TMEM138: variants seen among roughly 807,000 people sequenced by gnomAD.
TMEM138 encodes the protein transmembrane protein 138.
TMEM138 carries 9 observed loss-of-function variants against 18.1 expected under a neutral mutation model. The observed-to-expected ratio is 0.50, with a 90% CI of 0.30 to 0.87. The LOEUF (loss-of-function observed/expected upper bound fraction) is 0.87. Among genes scored for constraint, TMEM138 ranks in the 40% least tolerant of loss-of-function variants. TMEM138 has a pLI of 0.06. For missense variants in TMEM138, 189 were observed against 190.6 expected (o/e 0.99, Z 0.05); for synonymous variants, 79 against 74.8 (o/e 1.06, Z -0.29).
chr11:61,370,118 G>A (rs1858298827), downstream of TMEM138, among the ~76,000 whole-genome samples: 1 of 152,218 alleles, frequency 6.6e-6, no homozygotes, highest in African/African-American at 2.4e-5. Context: ...AAAGCCTGCA[G>A]GGATTTTTCT....
chr11:61,367,473 T>C (rs1858193762), intron 3 of TMEM138: 1 of 154,066 alleles, frequency 6.5e-6, no homozygotes, highest in Non-Finnish European at 1.4e-5. Context: ...CACCAGAGTC[T>C]CCGGGTGCTT....
At position 61,364,652 on chromosome 11, in the gene TMEM138, G is replaced by A. The variant is rs1858072796; in HGVS notation, c.128+134G>A. ...ACCCATAATCCCAGGACTTTGGGAA[G>A]CCAAGGCAGGAGGATCTTTTGAGGC... On this transcript the variant is annotated intron_variant, in intron 2 of 4. Transcript: ENST00000278826. 2.4e-6 allele frequency: 3 copies of A among 1,236,802 alleles called. No individual in the cohort carries two copies. The African/African-American group carries it at 4.5e-5, about 19-fold the overall frequency. The allele number at this position is 1,236,802 out of a possible 1,614,324, so 76.6% of individuals were successfully genotyped here. A position where few individuals can be genotyped will look rare whatever the true frequency, so the allele number is the denominator to read the frequency against.
chr11:61,375,262 A>G (rs1267242227), downstream of TMEM138, among the ~76,000 whole-genome samples: 1 of 151,360 alleles, frequency 6.6e-6, no homozygotes, highest in Non-Finnish European at 1.5e-5. Context: ...CAAAATTTGC[A>G]GCATATTTGT....
chr11:61,363,595 C>A (rs1458022979), intron 1 of TMEM138: 2 of 152,228 alleles, frequency 1.3e-5, no homozygotes, highest in Non-Finnish European at 1.5e-5. Flanking sequence ...GCAACCATAA[C>A]CCTAAAGATA....
chr11:61,362,816 T>C (rs185042090), intron 1 of TMEM138: 5 of 152,436 alleles, frequency 3.3e-5, no homozygotes, highest in Non-Finnish European at 5.9e-5. Flanking sequence ...CCTTGAGCTC[T>C]GACTTCTGTG....
At chr11:61,369,713 T>C (rs988706064), downstream of TMEM138, among the ~76,000 whole-genome samples, 1 of 151,422 alleles carries the variant, frequency 6.6e-6, no homozygotes, top group African/African-American at 2.5e-5. Flanking sequence ...GCAGCTGCGA[T>C]GGCCTTGGGA....
At chr11:61,365,513 C>G (rs1437277019) in intron 2 of TMEM138, among the ~76,000 whole-genome samples, 1 of 152,052 alleles carries the variant, frequency 6.6e-6, no homozygotes, top group East Asian at 1.9e-4. Context: ...AACTCTTGAC[C>G]TCAAGTGATC....
chr11:61,366,715 C>G (rs1256522233), intron 3 of TMEM138: 1 of 152,552 alleles, frequency 6.6e-6, no homozygotes, highest in Non-Finnish European at 1.5e-5. Context: ...ATCCTCCTGC[C>G]TCGGCCTCTG....
At chr11:61,368,161 C>T in intron 4 of TMEM138, 163 bp downstream of exon 4, 1 of 737,186 alleles carries the variant, frequency 1.4e-6, no homozygotes, top group East Asian at 2.5e-5. Context: ...TGCTAGAAGA[C>T]TATGGGAAAT....
chr11:61,371,020 C>T (rs1858328506), downstream of TMEM138, among the ~76,000 whole-genome samples: 1 of 152,112 alleles, frequency 6.6e-6, no homozygotes, highest in Non-Finnish European at 1.5e-5. Context: ...CCGCCCCCCT[C>T]TCCCAAATAA....
downstream of TMEM138, among the ~76,000 whole-genome samples, chr11:61,375,323 T>C (rs1175761209): frequency 6.8e-6 from 1 of 146,800 alleles, no homozygotes; most frequent in African/African-American, 2.5e-5. Context: ...TATTCTTTTT[T>C]TTTTTTTTTT....
downstream of TMEM138, among the ~76,000 whole-genome samples, chr11:61,374,183 T>C (rs1328025085): frequency 7.0e-6 from 1 of 143,256 alleles, no homozygotes; most frequent in Non-Finnish European, 1.5e-5. Context: ...AGTTTCGCTC[T>C]GTCACCTAGG....
chr11:61,375,782 A>G (rs115058795), downstream of TMEM138, among the ~76,000 whole-genome samples: 836 of 152,298 alleles, frequency 5.5e-3, 10 homozygotes, highest in African/African-American at 0.019. Context: ...GACTTTATGG[A>G]GCCAATAAAA....
chr11:61,363,873 TA>T (rs984103279), intron 1 of TMEM138: 2 of 152,314 alleles, frequency 1.3e-5, no homozygotes, highest in African/African-American at 2.4e-5. Flanking sequence ...GGGAAGGTAA[TA>T]ATGTATTATG....
downstream of TMEM138, among the ~76,000 whole-genome samples, chr11:61,372,979 A>G (rs1186624567): frequency 6.6e-6 from 1 of 152,158 alleles, no homozygotes; most frequent in Non-Finnish European, 1.5e-5. Flanking sequence ...TTTTTAATTA[A>G]GGTTATTACA....
downstream of TMEM138, among the ~76,000 whole-genome samples, chr11:61,373,879 C>G (rs1038087652): frequency 6.6e-6 from 1 of 151,574 alleles, no homozygotes; most frequent in Non-Finnish European, 1.5e-5. Flanking sequence ...TCACTCTTGT[C>G]GTCCAGGCTG....
chr11:61,374,907 A>T (rs971969727), downstream of TMEM138, among the ~76,000 whole-genome samples: 2 of 152,188 alleles, frequency 1.3e-5, no homozygotes, highest in Admixed American at 6.5e-5. Context: ...CAGTGAGCTG[A>T]GATCGCGCCA....
chr11:61,375,152 C>T (rs149620685), downstream of TMEM138, among the ~76,000 whole-genome samples: 15 of 152,204 alleles, frequency 9.9e-5, no homozygotes, highest in East Asian at 2.3e-3. Flanking sequence ...ATCTTTTTAA[C>T]TTTACACTTA....
intron 2 of TMEM138, chr11:61,365,782 TTAAAAA>T (rs746054896): frequency 2.2e-4 from 76 of 344,490 alleles, no homozygotes; most frequent in Non-Finnish European, 3.8e-4. Context: ...GGAAGAAATT[TTAAAAA>T]TAAAAAAGAG....
Sources: allele counts gnomAD v4.1 joint callset (sites outside exome capture counted in the v4.1 genomes callset), GRCh38; gene constraint gnomAD v4.1.1; transcripts MANE v1.5; gene names NCBI Gene and HGNC (gene_info 2026-07-23, HGNC 2026-07-21).